The following TENM3 variants were observed in gnomAD, a reference collection of about 807,000 sequenced individuals.
TENM3 encodes teneurin transmembrane protein 3.
In TENM3, 63 loss-of-function variants were observed where a neutral mutation model predicts 255.1. The observed-to-expected ratio is 0.25, with a 90% CI of 0.20 to 0.30. The LOEUF (loss-of-function observed/expected upper bound fraction) is 0.30. Ranked by LOEUF, TENM3 falls within the 10% of genes least tolerant of loss-of-function variation. The pLI, the probability that TENM3 is intolerant of heterozygous loss-of-function variation, is 1.00. For missense variants in TENM3, 2,929 were observed against 3,461.1 expected, an observed-to-expected ratio of 0.85 and a Z score of 3.86; for synonymous variants, 1,306 against 1,322.3, an observed-to-expected ratio of 0.99 and a Z score of 0.27.
At chr4:182,110,351 G>T in the TENM3 span, among the ~76,000 whole-genome samples, 2 of 151,648 alleles carry the variant, frequency 1.3e-5, no homozygotes, top group African/African-American at 4.8e-5. Flanking sequence ...TTGAGACAGG[G>T]TCTCGCTCTG....
chr4:182,110,053 G>T, the TENM3 span, among the ~76,000 whole-genome samples: 6 of 149,756 alleles, frequency 4.0e-5, no homozygotes, highest in Non-Finnish European at 7.4e-5. Context: ...GGTGGAGGTT[G>T]CAGTGAGCCG....
At chr4:182,504,200 T>C (rs1425060176) in intron 3 of TENM3, among the ~76,000 whole-genome samples, 1 of 151,926 alleles carries the variant, frequency 6.6e-6, no homozygotes, top group Non-Finnish European at 1.5e-5. Flanking sequence ...TTTTCTTAAA[T>C]TTTAAAATCA....
the TENM3 span, among the ~76,000 whole-genome samples, chr4:181,867,941 T>C: frequency 2.0e-5 from 3 of 152,194 alleles, no homozygotes; most frequent in Non-Finnish European, 4.4e-5. Context: ...TTCTGGTATA[T>C]TTTCTTGGAG....
chr4:182,220,470 C>G (rs565513720), intron 1 of TENM3, among the ~76,000 whole-genome samples: 2 of 150,866 alleles, frequency 1.3e-5, no homozygotes, highest in East Asian at 4.0e-4. Flanking sequence ...AGGGCTCTGA[C>G]GGCCGATCTC....
At chr4:181,540,262 T>G in the TENM3 span, among the ~76,000 whole-genome samples, 1 of 151,936 alleles carries the variant, frequency 6.6e-6, no homozygotes, top group African/African-American at 2.4e-5. Context: ...TGGATTATAA[T>G]CCGAATAACA....
the TENM3 span, among the ~76,000 whole-genome samples, chr4:181,885,219 T>A: frequency 2.0e-5 from 3 of 152,200 alleles, no homozygotes; most frequent in Non-Finnish European, 4.4e-5. Context: ...TCCCACAGCC[T>A]AAGCAAAAAC....
the TENM3 span, among the ~76,000 whole-genome samples, chr4:182,103,977 C>T: frequency 2.0e-5 from 3 of 152,214 alleles, no homozygotes; most frequent in African/African-American, 7.2e-5. Context: ...ATGTAAATCA[C>T]AGCTTTTATT....
At chr4:182,708,520 C>T (rs568606461) in intron 12 of TENM3, among the ~76,000 whole-genome samples, 2 of 152,160 alleles carry the variant, frequency 1.3e-5, no homozygotes, top group Admixed American at 6.5e-5. Flanking sequence ...TGAGACCTGG[C>T]GGGGCGTGGT....
upstream of TENM3, among the ~76,000 whole-genome samples, chr4:182,139,570 T>C (rs1193449793): frequency 1.3e-5 from 2 of 152,188 alleles, no homozygotes; most frequent in African/African-American, 2.4e-5. Context: ...AAGTTGTTTA[T>C]AGAAAATATG....
At chr4:182,130,751 G>A in the TENM3 span, among the ~76,000 whole-genome samples, 8 of 151,488 alleles carry the variant, frequency 5.3e-5, no homozygotes, top group South Asian at 2.1e-4. Flanking sequence ...AGACAAAGCC[G>A]AACGATTTTA....
At chr4:182,129,444 C>T in the TENM3 span, among the ~76,000 whole-genome samples, 2 of 151,936 alleles carry the variant, frequency 1.3e-5, no homozygotes, top group Non-Finnish European at 2.9e-5. Context: ...ATTTAGAAGG[C>T]GTAGTATTAT....
intron 12 of TENM3, chr4:182,707,989 C>CTTTTTTTTTTTTTTTTT (rs111684379): frequency 6.8e-6 from 1 of 146,060 alleles, no homozygotes; most frequent in Non-Finnish European, 1.5e-5. Context: ...GAAAAAACAC[C>CTTTTTTTTTTTTTTTTT]TTTTTTTTTT....
intron 6 of TENM3, 80 bp from the exon 7 acceptor site, chr4:182,672,925 T>C: frequency 2.8e-6 from 3 of 1,079,984 alleles, no homozygotes; most frequent in South Asian, 3.3e-5. Context: ...AAAATAACTT[T>C]TTCAAAAAGT....
the TENM3 span, among the ~76,000 whole-genome samples, chr4:181,543,025 C>G: frequency 1.3e-5 from 2 of 152,204 alleles, no homozygotes; most frequent in South Asian, 4.1e-4. Flanking sequence ...CTAACTAACT[C>G]AAATCCATTT....
the TENM3 span, among the ~76,000 whole-genome samples, chr4:181,741,583 A>G: frequency 3.3e-4 from 51 of 152,338 alleles, no homozygotes; most frequent in African/African-American, 1.1e-3. Context: ...CTGCCTTGTC[A>G]ATACCTTTGG....
the TENM3 span, among the ~76,000 whole-genome samples, chr4:181,849,949 T>TCACACACA: frequency 2.1e-4 from 14 of 65,952 alleles, no homozygotes; most frequent in South Asian, 7.8e-4. Context: ...TCTCTCTCTC[T>TCACACACA]CACACACACA....
Position 182,600,964 on chromosome 4 carries a change from C to A in TENM3, c.552C>A (p.Pro184=). ...ATCAAGGCCAGTCTACCCTGCAGCC[C>A]TTGCCGCCTTCCCATAAGCAGCACT... ...ASNQGQSTLQ[P]LPPSHKQHSA... The change falls in exon 4 of 28, where the codon CCC becomes CCA. Residue 184 remains proline (P), a synonymous_variant. Coordinates refer to ENST00000511685, the MANE Select transcript of TENM3 (RefSeq NM_001080477.4). 1 of 1,599,478 alleles carries A rather than the reference C, an allele frequency of 6.3e-7. No homozygotes were observed.
chr4:182,110,111 C>A, the TENM3 span, among the ~76,000 whole-genome samples: 2 of 48,144 alleles, frequency 4.2e-5, no homozygotes, highest in Admixed American at 2.8e-4. Context: ...GAGACTCTGT[C>A]TCAAAAAAAA....
the TENM3 span, among the ~76,000 whole-genome samples, chr4:181,716,849 C>T: frequency 1.7e-4 from 26 of 152,236 alleles, 1 homozygote; most frequent in African/African-American, 6.0e-4. Context: ...GATATCATAA[C>T]ACATATGAAT....
Sources: allele counts gnomAD v4.1 joint callset (sites outside exome capture counted in the v4.1 genomes callset), GRCh38; gene constraint gnomAD v4.1.1; transcripts MANE v1.5; gene names NCBI Gene and HGNC (gene_info 2026-07-23, HGNC 2026-07-21).